The following ST8SIA4 variants were observed in gnomAD, a reference collection of about 807,000 sequenced individuals.
ST8SIA4 encodes the protein ST8 alpha-N-acetyl-neuraminide alpha-2,8-sialyltransferase 4, also known as CMP-N-acetylneuraminate-poly-alpha-2,8-sialyltransferase.
Under a neutral mutation model 33.9 loss-of-function variants are expected in ST8SIA4, and 15 were observed. The ratio of observed to expected loss-of-function variants is 0.44; its 90% CI spans 0.30 to 0.68. The LOEUF (loss-of-function observed/expected upper bound fraction) is 0.68. ST8SIA4 is among the 30% of genes least tolerant of loss of function. ST8SIA4 has a pLI of 0.10. For missense variants in ST8SIA4, 321 were observed against 428.0 expected, an observed-to-expected ratio of 0.75 and a Z score of 2.21; for synonymous variants, 171 against 151.2, an observed-to-expected ratio of 1.13 and a Z score of -0.96.
At position 100,895,538 on chromosome 5, in the gene ST8SIA4, TTTTA is replaced by T. The variant is rs1200662779; in HGVS notation, c.245+112_245+115del. 9 of 1,013,834 alleles carry T rather than the reference TTTTA, an allele frequency of 8.9e-6. No homozygotes were observed. In the Admixed American group the frequency reaches 1.3e-4, roughly 14 times the overall value. 62.8% of individuals were successfully genotyped at this position (1,013,834 alleles called of 1,614,324 possible). On this transcript the variant is annotated intron_variant, in intron 2 of 4. Transcript: ENST00000231461. ...AACATTAAATAGAGCTGGTTCATTC[TTTTA>T]TTTAAGTATTCATACTTAAACCATA...
intron 1 of ST8SIA4, among the ~76,000 whole-genome samples, chr5:100,899,660 T>C (rs1673890178): frequency 1.3e-5 from 2 of 152,184 alleles, no homozygotes; most frequent in African/African-American, 4.8e-5. Context: ...AACAAATATT[T>C]ATATGACATT....
intron 1 of ST8SIA4, among the ~76,000 whole-genome samples, chr5:100,897,960 G>T (rs1453571849): frequency 2.6e-5 from 4 of 152,144 alleles, no homozygotes; most frequent in Non-Finnish European, 5.9e-5. Flanking sequence ...ATACACAGAA[G>T]CTAACGTTCA....
At chr5:100,854,884 C>T (rs1751781921) in intron 4 of ST8SIA4, among the ~76,000 whole-genome samples, 1 of 152,148 alleles carries the variant, frequency 6.6e-6, no homozygotes, top group Non-Finnish European at 1.5e-5. Flanking sequence ...GTCTTACATC[C>T]TTATTATCTT....
At chr5:100,893,196 T>A (rs1017057527) in intron 2 of ST8SIA4, among the ~76,000 whole-genome samples, 1 of 152,122 alleles carries the variant, frequency 6.6e-6, no homozygotes. Context: ...TTTTCAAAAA[T>A]ATTTGCAAAA....
Position 100,871,545 on chromosome 5 carries a change from A to G in ST8SIA4, c.503+14798T>C, listed in dbSNP as rs1323254992. ...TAACATATTATTCAGTGTCAGTTTT[A>G]TCCAGTTATTTAGTGTCAACTTTAC... On this transcript the variant is annotated intron_variant, in intron 3 of 4. Coordinates refer to ENST00000231461, the MANE Select transcript of ST8SIA4 (RefSeq NM_005668.6). Among the ~76,000 whole-genome samples, 3 of 152,112 alleles carry G rather than the reference A, an allele frequency of 2.0e-5. No homozygotes were observed. The East Asian group carries it at 5.8e-4, about 29-fold the overall frequency.
chr5:100,896,373 A>G (rs987398903), intron 1 of ST8SIA4, among the ~76,000 whole-genome samples: 14 of 152,096 alleles, frequency 9.2e-5, no homozygotes. Flanking sequence ...TTATAATCGC[A>G]CTTATATATT....
intron 3 of ST8SIA4, among the ~76,000 whole-genome samples, chr5:100,866,414 A>G (rs1458412200): frequency 6.6e-6 from 1 of 152,160 alleles, no homozygotes; most frequent in Non-Finnish European, 1.5e-5. Context: ...TTTCCTTCAC[A>G]TATAACACAC....
chr5:100,843,860 C>T (rs1157001268), intron 4 of ST8SIA4, among the ~76,000 whole-genome samples: 2 of 151,850 alleles, frequency 1.3e-5, no homozygotes, highest in Admixed American at 6.6e-5. Flanking sequence ...ACTTATTTGC[C>T]CCTAAGAATG....
chr5:100,822,631 T>C (rs1314611164), intron 4 of ST8SIA4, among the ~76,000 whole-genome samples: 1 of 152,112 alleles, frequency 6.6e-6, no homozygotes, highest in African/African-American at 2.4e-5. Flanking sequence ...GTCGAAGAAA[T>C]CACATTAACA....
At chr5:100,816,178 T>A (rs1750912136) in intron 4 of ST8SIA4, among the ~76,000 whole-genome samples, 1 of 152,204 alleles carries the variant, frequency 6.6e-6, no homozygotes, top group African/African-American at 2.4e-5. Context: ...GTCTCCTTCC[T>A]CCTCACCATT....
intron 2 of ST8SIA4, among the ~76,000 whole-genome samples, chr5:100,891,909 T>C (rs1202431698): frequency 2.0e-5 from 3 of 152,046 alleles, no homozygotes; most frequent in African/African-American, 4.8e-5. Context: ...AAACATTGTA[T>C]GTAGAAGTTT....
Position 100,896,457 on chromosome 5 carries a change from G to T in ST8SIA4, c.114-672C>A, listed in dbSNP as rs192276368. Among the ~76,000 whole-genome samples the T allele has an allele frequency of 4.7e-4, 71 of 152,212 alleles. 1 individual carries two copies. Among genetic ancestry groups the T allele is most frequent in the African/African-American group, 1.6e-3 (66 of 41,566 alleles). On this transcript the variant is annotated intron_variant, in intron 1 of 4. Transcript: ENST00000231461. ...AGAAAGAGTGAATGGGGAATGGGGA[G>T]AAATTGGTCAATAGGTACAAAATTT... is the stretch of plus-strand genomic sequence containing the variant.
chr5:100,816,695 G>A (rs1181527913), intron 4 of ST8SIA4: 4 of 446,994 alleles, frequency 8.9e-6, no homozygotes, highest in South Asian at 3.5e-5. Flanking sequence ...TATATTATAA[G>A]CAAAGTTTCC....
At chr5:100,847,937 C>A (rs1751602541) in intron 4 of ST8SIA4, among the ~76,000 whole-genome samples, 1 of 151,940 alleles carries the variant, frequency 6.6e-6, no homozygotes, top group African/African-American at 2.4e-5. Flanking sequence ...CTCTTGTTCA[C>A]TGTAATTTTA....
intron 2 of ST8SIA4, 45 bp downstream of exon 2, chr5:100,895,609 G>A: frequency 1.3e-6 from 2 of 1,580,250 alleles, no homozygotes; most frequent in Non-Finnish European, 1.7e-6. Flanking sequence ...CAACGTATTT[G>A]AGAACATGAT....
intron 3 of ST8SIA4, among the ~76,000 whole-genome samples, chr5:100,870,040 C>A (rs1580473174): frequency 6.6e-6 from 1 of 152,248 alleles, no homozygotes. Context: ...TGTTCCCCAC[C>A]CTGTGTCCAA....
intron 1 of ST8SIA4, among the ~76,000 whole-genome samples, chr5:100,900,792 G>T (rs1057064913): frequency 1.3e-5 from 2 of 151,276 alleles, no homozygotes; most frequent in African/African-American, 4.9e-5. Flanking sequence ...GGTGGAAGGA[G>T]GGGAGGGACC....
chr5:100,837,553 A>C (rs2561526), intron 4 of ST8SIA4, among the ~76,000 whole-genome samples: 3 of 151,910 alleles, frequency 2.0e-5, no homozygotes, highest in African/African-American at 7.3e-5. Context: ...GTTTATTCTG[A>C]TGTGCTAGAG....
At chr5:100,861,774 C>T (rs540333212) in intron 3 of ST8SIA4, among the ~76,000 whole-genome samples, 30 of 152,044 alleles carry the variant, frequency 2.0e-4, no homozygotes, top group Middle Eastern at 3.2e-3. Flanking sequence ...TCTTTTTTTA[C>T]TTCTTCCTTT....
Sources: gnomAD v4.1 joint callset for allele counts (sites outside exome capture counted in the v4.1 genomes callset) on GRCh38, gnomAD v4.1.1 for gene constraint, MANE v1.5 for transcripts, NCBI Gene and HGNC (gene_info 2026-07-23, HGNC 2026-07-21) for gene names.